Variants in PTPRD observed in about 807,000 individuals in gnomAD.
PTPRD encodes the protein protein tyrosine phosphatase receptor type D, also known as receptor-type tyrosine-protein phosphatase delta.
In PTPRD, 34 loss-of-function variants were observed where a neutral mutation model predicts 214.5. The ratio of observed to expected loss-of-function variants is 0.16; its 90% CI spans 0.12 to 0.21. The LOEUF is 0.21. Among genes scored for constraint, PTPRD ranks in the 10% least tolerant of loss-of-function variants. The pLI, the probability that PTPRD is intolerant of heterozygous loss-of-function variation, is 1.00. For missense variants in PTPRD, 2,545 were observed against 2,398.7 expected (o/e 1.06, Z -1.27); for synonymous variants, 1,128 against 845.7 (o/e 1.33, Z -5.79).
intron 3 of PTPRD, among the ~76,000 whole-genome samples, chr9:10,338,152 C>A (rs1417093437): frequency 6.6e-6 from 1 of 151,512 alleles, no homozygotes; most frequent in Non-Finnish European, 1.5e-5. Context: ...GTCTTGCTAG[C>A]AGTATCAAAG....
intron 2 of PTPRD, among the ~76,000 whole-genome samples, chr9:10,343,517 G>T (rs1006233753): frequency 2.0e-5 from 3 of 152,030 alleles, no homozygotes; most frequent in Non-Finnish European, 4.4e-5. Context: ...TGGGTCAAAT[G>T]GTATTTCTTG....
chr9:8,733,903 C>T lies in PTPRD; in HGVS notation c.-60G>A, dbSNP rs376893644. 68 of 1,493,148 alleles carry T rather than the reference C, an allele frequency of 4.6e-5. No homozygotes were observed. The African/African-American group carries it at 4.9e-4, about 11-fold the overall frequency. The allele number at this position is 1,493,148 out of a possible 1,614,324, so 92.5% of individuals were successfully genotyped here. A position where few individuals can be genotyped will look rare whatever the true frequency, so the allele number is the denominator to read the frequency against. The stretch of plus-strand genomic sequence containing the variant: ...GGAATCACTGCCTCCGGAGCCGCAG[C>T]GAGTCTGTCCGATCTGAAATTTCAG... On this transcript the variant is annotated 5_prime_UTR_variant, in exon 12 of 46. Transcript: ENST00000381196.
At chr9:10,324,028 G>C (rs2096601080) in intron 3 of PTPRD, among the ~76,000 whole-genome samples, 1 of 151,958 alleles carries the variant, frequency 6.6e-6, no homozygotes. Context: ...AGCAGAACCT[G>C]GAAACATTTA....
chr9:9,347,308 G>A (rs1181065433), intron 9 of PTPRD, among the ~76,000 whole-genome samples: 1 of 149,598 alleles, frequency 6.7e-6, no homozygotes, highest in East Asian at 1.9e-4. Flanking sequence ...CTCTCTCTAT[G>A]TGTATATATA....
chr9:10,493,340 T>G (rs1026907997), intron 2 of PTPRD, among the ~76,000 whole-genome samples: 1 of 152,110 alleles, frequency 6.6e-6, no homozygotes, highest in Admixed American at 6.6e-5. Flanking sequence ...CCTACCTGAA[T>G]TCAAACTATA....
At chr9:8,781,599 C>T (rs1265799887) in intron 11 of PTPRD, among the ~76,000 whole-genome samples, 1 of 152,104 alleles carries the variant, frequency 6.6e-6, no homozygotes, top group Non-Finnish European at 1.5e-5. Flanking sequence ...ATTTTCTAAG[C>T]TTTTAAAGGT....
chr9:9,152,963 G>T (rs1035792358), intron 10 of PTPRD, among the ~76,000 whole-genome samples: 1 of 152,144 alleles, frequency 6.6e-6, no homozygotes, highest in Non-Finnish European at 1.5e-5. Flanking sequence ...CCTCCCCACT[G>T]TGTGTTGTTC....
chr9:9,904,212 A>G (rs548785905), intron 5 of PTPRD, among the ~76,000 whole-genome samples: 2 of 152,210 alleles, frequency 1.3e-5, no homozygotes, highest in East Asian at 3.9e-4. Flanking sequence ...TAAATCTCAA[A>G]TATGTTTTCA....
intron 11 of PTPRD, among the ~76,000 whole-genome samples, chr9:8,875,447 T>A (rs375304638): frequency 4.6e-5 from 7 of 152,254 alleles, no homozygotes; most frequent in Admixed American, 1.3e-4. Flanking sequence ...ATAATCACAA[T>A]ACACTTAACT....
At chr9:8,562,336 T>C (rs558489661) in intron 14 of PTPRD, among the ~76,000 whole-genome samples, 7 of 152,282 alleles carry the variant, frequency 4.6e-5, no homozygotes, top group African/African-American at 1.7e-4. Context: ...TTAATTATAT[T>C]GTCACCTTTC....
chr9:8,735,910 C>CAAA (rs34573821), intron 11 of PTPRD, among the ~76,000 whole-genome samples: 14 of 130,956 alleles, frequency 1.1e-4, no homozygotes, highest in South Asian at 2.5e-4. Context: ...GACTTCGTCT[C>CAAA]AAAAAAAAAA....
At chr9:9,583,730 T>C (rs1169269923) in intron 7 of PTPRD, among the ~76,000 whole-genome samples, 1 of 152,068 alleles carries the variant, frequency 6.6e-6, no homozygotes, top group Non-Finnish European at 1.5e-5. Flanking sequence ...ATGGTAACTA[T>C]GGCAACATTC....
chr9:9,964,268 A>G (rs9299105), intron 4 of PTPRD, among the ~76,000 whole-genome samples: 39,309 of 152,150 alleles, frequency 0.26, 7,482 homozygotes, highest in African/African-American at 0.54. Context: ...AACCGCTACT[A>G]GGACAAGAAA....
intron 5 of PTPRD, among the ~76,000 whole-genome samples, chr9:9,787,772 T>TTATTATTA (rs1555076284): frequency 1.3e-5 from 2 of 149,082 alleles, no homozygotes; most frequent in Non-Finnish European, 3.0e-5. Flanking sequence ...CAATTTTTTA[T>TTATTATTA]TTATTATTAT....
At chr9:10,199,532 A>C (rs2099411206) in intron 3 of PTPRD, among the ~76,000 whole-genome samples, 1 of 151,910 alleles carries the variant, frequency 6.6e-6, no homozygotes, top group African/African-American at 2.4e-5. Flanking sequence ...AACAGTGAGA[A>C]CCCCCTGTGT....
intron 27 of PTPRD, among the ~76,000 whole-genome samples, chr9:8,492,301 A>C (rs2097166508): frequency 6.6e-6 from 1 of 152,014 alleles, no homozygotes; most frequent in Non-Finnish European, 1.5e-5. Context: ...TTGTTGCTTG[A>C]CTTCCCTGCC....
At position 10,049,580 on chromosome 9, in the gene PTPRD, G is replaced by C. The variant is rs1459623455; in HGVS notation, c.-544-15790C>G. On this transcript the variant is annotated intron_variant, in intron 3 of 45. Coordinates refer to ENST00000381196, the MANE Select transcript of PTPRD (RefSeq NM_002839.4). ...GAGGTCATTGTTAATAAAGTTATAA[G>C]GGAATCTTTTGAAGAGAAAGTTAAT... Among the ~76,000 whole-genome samples the C allele has an allele frequency of 3.3e-5, 5 of 152,230 alleles. No individual in the cohort carries two copies. The East Asian group carries it at 9.7e-4, about 29-fold the overall frequency.
intron 2 of PTPRD, among the ~76,000 whole-genome samples, chr9:10,494,992 T>G (rs1279029982): frequency 6.6e-6 from 1 of 151,916 alleles, no homozygotes; most frequent in South Asian, 2.1e-4. Flanking sequence ...AGAATATTGC[T>G]GATAATTTTA....
intron 2 of PTPRD, among the ~76,000 whole-genome samples, chr9:10,486,580 G>A (rs1326619193): frequency 6.6e-6 from 1 of 152,068 alleles, no homozygotes; most frequent in Non-Finnish European, 1.5e-5. Context: ...GGTAATTAAT[G>A]AGTATATTAT....
Sources: gnomAD v4.1 joint callset for allele counts (sites outside exome capture counted in the v4.1 genomes callset) on GRCh38, gnomAD v4.1.1 for gene constraint, MANE v1.5 for transcripts, NCBI Gene and HGNC (gene_info 2026-07-23, HGNC 2026-07-21) for gene names.